Variants in ZNF483 observed in about 807,000 individuals in gnomAD.
The protein encoded by ZNF483 is zinc finger protein HIT-10.
A neutral mutation model predicts 28.6 loss-of-function variants in ZNF483; 9 were observed. The observed-to-expected ratio is 0.32, with a 90% CI of 0.19 to 0.55. ZNF483 has a LOEUF of 0.55. Among genes scored for constraint, ZNF483 ranks in the 20% least tolerant of loss-of-function variants. The pLI, the probability that ZNF483 is intolerant of heterozygous loss-of-function variation, is 0.93. For synonymous variants in ZNF483, 322 were observed against 306.2 expected, an observed-to-expected ratio of 1.05 and a Z score of -0.54; for missense variants, 675 against 871.7, an observed-to-expected ratio of 0.77 and a Z score of 2.84.
intron 5 of ZNF483, 135 bp downstream of exon 5, chr9:111,534,488 A>T: frequency 1.4e-6 from 1 of 717,090 alleles, no homozygotes; most frequent in Non-Finnish European, 2.3e-6. Flanking sequence ...CCTTCCTGAA[A>T]TGTTCATTTT....
Position 111,576,461 on chromosome 9 carries a change from G to A in ZNF483, c.*47G>A, listed in dbSNP as rs780749296. ...TTCAACTGTTACACAGAGATGACCAGAGGATGGGGCCACTGCAGTGCAGTT... is the reference window on the plus strand; with the variant it reads ...TTCAACTGTTACACAGAGATGACCAAAGGATGGGGCCACTGCAGTGCAGTT... On this transcript the variant is annotated 3_prime_UTR_variant, in exon 6 of 6. Transcript: ENST00000358151. The A allele has an allele frequency of 8.7e-6, 14 of 1,613,162 alleles. No homozygotes were observed. The East Asian group carries it at 2.7e-4, about 31-fold the overall frequency.
At chr9:111,567,110 G>A (rs1026240804) in intron 5 of ZNF483, among the ~76,000 whole-genome samples, 1 of 151,754 alleles carries the variant, frequency 6.6e-6, no homozygotes, top group Non-Finnish European at 1.5e-5. Flanking sequence ...AAGTCGGGGG[G>A]CGTGGGATAT....
downstream of ZNF483, among the ~76,000 whole-genome samples, chr9:111,558,822 TAAC>T (rs1297083797): frequency 6.6e-6 from 1 of 152,162 alleles, no homozygotes; most frequent in Non-Finnish European, 1.5e-5. Flanking sequence ...AATTCCAATC[TAAC>T]ACCACAAGGT....
chr9:111,533,064 TGG>T (rs1827390114), intron 3 of ZNF483, among the ~76,000 whole-genome samples: 1 of 152,220 alleles, frequency 6.6e-6, no homozygotes, highest in Non-Finnish European at 1.5e-5. Context: ...AGTTAAAATT[TGG>T]AATGTAGTTG....
At chr9:111,565,017 A>C (rs1367038610) in intron 5 of ZNF483, among the ~76,000 whole-genome samples, 1 of 152,076 alleles carries the variant, frequency 6.6e-6, no homozygotes, top group Non-Finnish European at 1.5e-5. Flanking sequence ...CCAGCTAGTC[A>C]GGAGGCTGAG....
chr9:111,555,133 T>C lies in ZNF483; in HGVS notation c.*11963T>C, dbSNP rs962561390. Among the ~76,000 whole-genome samples, 10 of 152,144 alleles carry C rather than the reference T, an allele frequency of 6.6e-5. No homozygotes were observed. The highest frequency in any genetic ancestry group is 2.4e-4 in the African/African-American group (10 of 41,420). On this transcript the variant is annotated 3_prime_UTR_variant, in exon 6 of 6. Transcript: ENST00000309235. ...CCCTTTTATTCAGACTTCCACTTAG[T>C]ATCCTGTTTTTAGTCTTCTATCTTA...
intron 2 of ZNF483, among the ~76,000 whole-genome samples, chr9:111,529,227 A>G (rs1404906289): frequency 6.6e-6 from 1 of 152,186 alleles, no homozygotes; most frequent in Admixed American, 6.5e-5. Context: ...CGTAATTCTA[A>G]TTCTTAATTT....
At chr9:111,571,414 GAAAA>G (rs1009515343) in intron 5 of ZNF483, among the ~76,000 whole-genome samples, 3 of 149,238 alleles carry the variant, frequency 2.0e-5, no homozygotes, top group African/African-American at 7.3e-5. Context: ...GTTTCAAAAA[GAAAA>G]AAAGAAGTAA....
intron 5 of ZNF483, among the ~76,000 whole-genome samples, chr9:111,567,376 C>T (rs527589868): frequency 1.3e-5 from 2 of 152,230 alleles, no homozygotes; most frequent in Admixed American, 1.3e-4. Flanking sequence ...TTAGTAGAGA[C>T]AGGGTTTCAC....
At chr9:111,574,809 G>C in intron 5 of ZNF483, 1 of 1,613,666 alleles carries the variant, frequency 6.2e-7, no homozygotes, top group African/African-American at 1.3e-5. Context: ...TTCTTCATCT[G>C]GCCGATAACA....
rs201755107 is a variant in ZNF483, at chr9:111,542,501, T to C, written c.1566T>C (p.Pro522=). The C allele has an allele frequency of 1.2e-5, 20 of 1,613,996 alleles. No individual in the cohort carries two copies. The highest frequency in any genetic ancestry group is 1.7e-5 in the Admixed American group (1 of 60,010). ...KHQRIHTGEK[P]YKCKDCGRPF... Reference sequence around the variant, plus strand: ...AGAGAATTCATACTGGAGAAAAACCTTATAAATGTAAAGACTGTGGGAGAC... The same window carrying C: ...AGAGAATTCATACTGGAGAAAAACCCTATAAATGTAAAGACTGTGGGAGAC... The change falls in exon 6 of 6, where the codon CCT becomes CCC. Residue 522 remains proline (P), a synonymous_variant. Transcript: ENST00000309235. This position sits in a 1 kb window ranked among gnomAD's most constrained non-coding sequence, Gnocchi z 6.2.
Position 111,547,210 on chromosome 9 carries a change from T to A in ZNF483, c.*4040T>A, listed in dbSNP as rs1016409680. 6.6e-6 allele frequency among the ~76,000 whole-genome samples: 1 copy of A among 152,150 alleles called. No homozygotes were observed. Among genetic ancestry groups the A allele is most frequent in the African/African-American group, 2.4e-5 (1 of 41,440 alleles). On this transcript the variant is annotated 3_prime_UTR_variant, in exon 6 of 6. Transcript: ENST00000309235. ...ATAGAATTGCTGGATCTTATGATGA[T>A]TCTATATTTAACTTCTTGAGGAAGT...
At position 111,526,070 on chromosome 9, in the gene ZNF483, T is replaced by C. The variant is rs117280691; in HGVS notation, c.-129+808T>C. 1.6e-4 allele frequency among the ~76,000 whole-genome samples: 25 copies of C among 152,218 alleles called. No individual in the cohort carries two copies. The East Asian group carries it at 4.1e-3, about 25-fold the overall frequency. On this transcript the variant is annotated intron_variant, in intron 1 of 5. Transcript: ENST00000309235. ...CTCATTGTAGTTGCTCCGTCACTTATAGAATGAATGAATGAATGCAACACA... is the reference window on the plus strand; with the variant it reads ...CTCATTGTAGTTGCTCCGTCACTTACAGAATGAATGAATGAATGCAACACA...
chr9:111,564,992 C>T (rs546453012), intron 5 of ZNF483, among the ~76,000 whole-genome samples: 22 of 152,024 alleles, frequency 1.4e-4, no homozygotes, highest in Admixed American at 5.2e-4. Flanking sequence ...GGCGTGGTGG[C>T]GTGTACCTGT....
chr9:111,541,429 C>G (rs1827668288), intron 5 of ZNF483, among the ~76,000 whole-genome samples: 1 of 152,126 alleles, frequency 6.6e-6, no homozygotes, highest in Non-Finnish European at 1.5e-5. Flanking sequence ...TGAGAACTTG[C>G]ATCTAACTAT....
At chr9:111,533,605 G>A (rs1827402753) in intron 3 of ZNF483, 134 bp from the exon 4 acceptor site, 1 of 801,064 alleles carries the variant, frequency 1.2e-6, no homozygotes, top group South Asian at 2.9e-5. Flanking sequence ...AGGAGGTTGA[G>A]CCTGCAGTGA....
chr9:111,532,394 CAA>C (rs1564592231), intron 3 of ZNF483, among the ~76,000 whole-genome samples: 1 of 152,072 alleles, frequency 6.6e-6, no homozygotes, highest in South Asian at 2.1e-4. Flanking sequence ...AATGCCATCC[CAA>C]GTGTCCTTGC....
rs979814546 is a variant in ZNF483 at position 111,553,367 on chromosome 9, A to AT, written c.*10203dup. ...ATATGCCTTTGTTTAAAATTTAAAT[A>AT]TTTTTTCATTTTTTTAACCTAGAAA... On this transcript the variant is annotated 3_prime_UTR_variant, in exon 6 of 6. Coordinates refer to ENST00000309235, the MANE Select transcript of ZNF483 (RefSeq NM_133464.5). Among the ~76,000 whole-genome samples the AT allele has an allele frequency of 1.3e-5, 2 of 152,070 alleles. No individual in the cohort carries two copies. The highest frequency in any genetic ancestry group is 2.4e-5 in the African/African-American group (1 of 41,410).
Position 111,555,050 on chromosome 9 carries a change from C to T in ZNF483, c.*11880C>T, listed in dbSNP as rs1828081706. ...GCATGGGGGATATAAGCCTGGCTACCATTACTGGCGAGCAGGCAGAGGCAC... is the reference window on the plus strand; with the variant it reads ...GCATGGGGGATATAAGCCTGGCTACTATTACTGGCGAGCAGGCAGAGGCAC... On this transcript the variant is annotated 3_prime_UTR_variant, in exon 6 of 6. Transcript: ENST00000309235. 6.6e-6 allele frequency among the ~76,000 whole-genome samples: 1 copy of T among 152,138 alleles called. No homozygotes were observed. Among genetic ancestry groups the T allele is most frequent in the Non-Finnish European group, 1.5e-5 (1 of 68,020 alleles).
Sources: allele counts gnomAD v4.1 joint callset (sites outside exome capture counted in the v4.1 genomes callset), GRCh38; gene constraint gnomAD v4.1.1; non-coding constraint Gnocchi (gnomAD v3.1); transcripts MANE v1.5; gene names NCBI Gene and HGNC (gene_info 2026-07-23, HGNC 2026-07-21).